Variants in IFT122 observed in about 807,000 individuals in gnomAD.
The protein encoded by IFT122 is intraflagellar transport 122.
A neutral mutation model predicts 161.6 loss-of-function variants in IFT122; 118 were observed. The observed-to-expected ratio is 0.73, with a 90% CI of 0.63 to 0.85. The LOEUF is 0.85. IFT122 is among the 40% of genes least tolerant of loss of function. IFT122 has a pLI of 0.00. For synonymous variants in IFT122, 550 were observed against 602.4 expected, an observed-to-expected ratio of 0.91 and a Z score of 1.27; for missense variants, 1,381 against 1,579.6, an observed-to-expected ratio of 0.87 and a Z score of 2.13.
intron 1 of IFT122, 35 bp downstream of exon 1, chr3:129,440,406 T>C (rs1174077576): frequency 6.5e-7 from 1 of 1,548,590 alleles, no homozygotes; most frequent in South Asian, 1.2e-5. Flanking sequence ...GAGCAGGAGG[T>C]CGAGTCCTCG....
chr3:129,440,469 G>T, intron 1 of IFT122, 98 bp downstream of exon 1: 2 of 1,440,760 alleles, frequency 1.4e-6, no homozygotes, highest in South Asian at 1.2e-5. Flanking sequence ...CGGGCTTGCT[G>T]CCTGGGCCGA....
At chr3:129,463,248 CCA>C in intron 5 of IFT122, 3 of 357,708 alleles carry the variant, frequency 8.4e-6, no homozygotes, top group South Asian at 2.5e-5. Flanking sequence ...GTGTAGATTG[CCA>C]TCAGCGTGAC....
chr3:129,506,484 G>A lies in IFT122; in HGVS notation c.2726G>A (p.Ser909Asn). The A allele has an allele frequency of 6.2e-7, 1 of 1,614,250 alleles. No homozygotes were observed. Among genetic ancestry groups the A allele is most frequent in the Non-Finnish European group, 8.5e-7 (1 of 1,180,044 alleles). Residue 909 changes from serine (S) to asparagine (N), a missense_variant, in exon 22 of 30, where the codon AGC becomes AAC. Transcript: ENST00000348417. Reference sequence around the variant, plus strand: ...CTCACAAACAATGCCGTGGCGGAGAGCAGGTTTAATGATGCTGCCTATTAT... The same window carrying A: ...CTCACAAACAATGCCGTGGCGGAGAACAGGTTTAATGATGCTGCCTATTAT... ...EQLTNNAVAE[S>N]RFNDAAYYYW...
At chr3:129,514,725 C>T (rs904889964) in intron 25 of IFT122, 171 bp downstream of exon 25, 2 of 777,004 alleles carry the variant, frequency 2.6e-6, no homozygotes, top group East Asian at 5.3e-5. Flanking sequence ...TCCCTGTCCA[C>T]CTCCTGTTCT....
At chr3:129,517,247 G>GCA (rs1447118128) in intron 26 of IFT122, among the ~76,000 whole-genome samples, 1 of 114,208 alleles carries the variant, frequency 8.8e-6, no homozygotes, top group South Asian at 3.0e-4. Flanking sequence ...AACTGCCCCT[G>GCA]CACACACACA....
chr3:129,514,872 C>G, intron 25 of IFT122: 5 of 488,670 alleles, frequency 1.0e-5, no homozygotes, highest in South Asian at 1.0e-4. Flanking sequence ...TACCCCAGGC[C>G]TGGCCCCAGA....
intron 1 of IFT122, among the ~76,000 whole-genome samples, chr3:129,447,769 CCAA>C (rs1384855509): frequency 3.3e-4 from 51 of 152,278 alleles, no homozygotes; most frequent in African/African-American, 1.2e-3. Context: ...CCTCGGCCTC[CCAA>C]AACGCTGGGA....
intron 15 of IFT122, chr3:129,488,011 G>A (rs970524908): frequency 4.4e-5 from 26 of 585,396 alleles, no homozygotes; most frequent in Non-Finnish European, 6.4e-5. Flanking sequence ...CTGTAGGTGG[G>A]AAGGAGGGGA....
intron 14 of IFT122, 52 bp from the exon 15 acceptor site, chr3:129,483,433 T>C: frequency 6.5e-7 from 1 of 1,528,070 alleles, no homozygotes; most frequent in Non-Finnish European, 9.1e-7. Context: ...GTGTGAGCGC[T>C]GACCAAGCCC....
At chr3:129,447,656 G>A (rs2074187467) in intron 1 of IFT122, among the ~76,000 whole-genome samples, 1 of 152,086 alleles carries the variant, frequency 6.6e-6, no homozygotes, top group Admixed American at 6.6e-5. Context: ...GGGATTACAG[G>A]CGCCCGCCAC....
chr3:129,515,583 C>T lies in IFT122; in HGVS notation c.3249C>T (p.Phe1083=). The stretch of plus-strand genomic sequence containing the variant: ...TCAACTGCCGCCAGCCCTTCATCTT[C>T]TCCGCCTCTTCCTACGGTGAGTCCC... ...VCINCRQPFI[F]SASSYDVLHL... The change falls in exon 26 of 30, where the codon TTC becomes TTT. Residue 1083 remains phenylalanine, a synonymous_variant. Coordinates refer to ENST00000348417, the MANE Select transcript of IFT122 (RefSeq NM_052989.3). 2 of 1,494,192 alleles carry T rather than the reference C, an allele frequency of 1.3e-6. No homozygotes were observed. The highest frequency in any genetic ancestry group is 2.3e-5 in the East Asian group (1 of 43,964). The allele number at this position is 1,494,192 out of a possible 1,614,324, so 92.6% of individuals were successfully genotyped here. A position where few individuals can be genotyped will look rare whatever the true frequency, so the allele number is the denominator to read the frequency against.
chr3:129,447,776 G>T (rs979608898), intron 1 of IFT122, among the ~76,000 whole-genome samples: 4 of 152,114 alleles, frequency 2.6e-5, no homozygotes, highest in African/African-American at 9.7e-5. Context: ...CTCCCAAAAC[G>T]CTGGGATTAC....
At chr3:129,451,297 A>G (rs772034466) in intron 2 of IFT122, among the ~76,000 whole-genome samples, 3 of 150,532 alleles carry the variant, frequency 2.0e-5, no homozygotes, top group Non-Finnish European at 4.4e-5. Context: ...ATTTATTTTT[A>G]TTTTTTGTAG....
chr3:129,443,764 G>T (rs1018146602), intron 1 of IFT122, among the ~76,000 whole-genome samples: 1 of 152,236 alleles, frequency 6.6e-6, no homozygotes, highest in Non-Finnish European at 1.5e-5. Context: ...AGTACATTAA[G>T]AGTTTAGATT....
chr3:129,507,601 C>T (rs1461798949), intron 22 of IFT122, 67 bp from the exon 23 acceptor site: 1 of 1,252,478 alleles, frequency 8.0e-7, no homozygotes, highest in Non-Finnish European at 1.2e-6. Context: ...GCCCCTCCTC[C>T]TGGGGCCAGT....
At chr3:129,486,704 A>G (rs968953099) in intron 15 of IFT122, among the ~76,000 whole-genome samples, 2 of 152,216 alleles carry the variant, frequency 1.3e-5, no homozygotes, top group African/African-American at 2.4e-5. Flanking sequence ...TGCTGAGAAA[A>G]TACAGTGAAG....
intron 16 of IFT122, among the ~76,000 whole-genome samples, 167 bp from the exon 17 acceptor site, chr3:129,491,974 G>T (rs1386568284): frequency 6.6e-6 from 1 of 152,106 alleles, no homozygotes; most frequent in Non-Finnish European, 1.5e-5. Context: ...GCCATGCCTC[G>T]CTGGGTGGTA....
At chr3:129,490,843 C>T (rs144314242) in intron 16 of IFT122, among the ~76,000 whole-genome samples, 25 of 152,314 alleles carry the variant, frequency 1.6e-4, no homozygotes, top group Admixed American at 2.6e-4. Flanking sequence ...ATGTGATGCC[C>T]GCATTGCCCT....
At chr3:129,473,864 T>G (rs998099199) in intron 9 of IFT122, among the ~76,000 whole-genome samples, 3 of 152,356 alleles carry the variant, frequency 2.0e-5, no homozygotes, top group Admixed American at 6.5e-5. Flanking sequence ...TGTCTTCAGT[T>G]TCTGCCTGCT....
Sources: gnomAD v4.1 joint callset for allele counts (sites outside exome capture counted in the v4.1 genomes callset) on GRCh38, gnomAD v4.1.1 for gene constraint, MANE v1.5 for transcripts, NCBI Gene and HGNC (gene_info 2026-07-23, HGNC 2026-07-21) for gene names.